Variants in RNF17 observed in about 807,000 individuals in gnomAD.
The protein encoded by RNF17 is ring finger protein 17.
A neutral mutation model predicts 200.5 loss-of-function variants in RNF17; 31 were observed. That is an observed-to-expected ratio of 0.15 (90% CI 0.12 to 0.21). The LOEUF is 0.21. Among genes scored for constraint, RNF17 ranks in the 10% least tolerant of loss-of-function variants. The probability of loss-of-function intolerance (pLI) is 1.00; values close to 1 mark genes in which losing one functional copy is unlikely to be tolerated. For missense variants in RNF17, 1,628 were observed against 1,905.1 expected (o/e 0.85, Z 2.71); for synonymous variants, 606 against 637.8 (o/e 0.95, Z 0.75).
intron 11 of RNF17, 80 bp from the exon 12 acceptor site, chr13:24,799,315 T>C (rs1189287866): frequency 3.7e-6 from 4 of 1,067,302 alleles, no homozygotes; most frequent in Non-Finnish European, 4.2e-6. Flanking sequence ...TTTTTCGTGG[T>C]AGAACTAACG....
chr13:24,879,424 C>T, intron 35 of RNF17, 129 bp downstream of exon 35: 1 of 635,278 alleles, frequency 1.6e-6, no homozygotes, highest in Non-Finnish European at 2.8e-6. Context: ...CACCAGATTT[C>T]TTCATAGGCC....
chr13:24,821,477 A>T (rs779647315), intron 15 of RNF17, among the ~76,000 whole-genome samples: 48 of 152,126 alleles, frequency 3.2e-4, no homozygotes, highest in Non-Finnish European at 5.6e-4. Context: ...TATGACTTTC[A>T]TAATGTCTCT....
At chr13:24,828,718 TTTA>T (rs1169548752) in intron 16 of RNF17, among the ~76,000 whole-genome samples, 2 of 152,142 alleles carry the variant, frequency 1.3e-5, no homozygotes, top group African/African-American at 2.4e-5. Context: ...CACTTTTCAC[TTTA>T]TTTTCTTTTA....
intron 15 of RNF17, among the ~76,000 whole-genome samples, chr13:24,819,354 G>T (rs1217494972): frequency 6.6e-6 from 1 of 152,108 alleles, no homozygotes; most frequent in Non-Finnish European, 1.5e-5. Flanking sequence ...TGTAAGCATT[G>T]ATAGGATTTC....
chr13:24,881,504 GAT>G (rs371444723), downstream of RNF17, among the ~76,000 whole-genome samples: 50 of 151,838 alleles, frequency 3.3e-4, no homozygotes, highest in East Asian at 3.5e-3. Flanking sequence ...CCTCTCCTGA[GAT>G]ATCTCTAGAA....
downstream of RNF17, among the ~76,000 whole-genome samples, chr13:24,883,635 T>G (rs946760381): frequency 6.6e-6 from 1 of 152,222 alleles, no homozygotes; most frequent in African/African-American, 2.4e-5. Flanking sequence ...CTTTTGGTTG[T>G]TATATTAAAA....
rs1885093216 is a variant in RNF17, at chr13:24,800,312, C to G, written c.1590-54C>G. 3.1e-6 allele frequency: 4 copies of G among 1,305,144 alleles called. No homozygotes were observed. The South Asian group carries it at 6.6e-5, about 21-fold the overall frequency. 80.8% of individuals were successfully genotyped at this position (1,305,144 alleles called of 1,614,324 possible). A position where few individuals can be genotyped will look rare whatever the true frequency, so the allele number is the denominator to read the frequency against. On this transcript the variant is annotated intron_variant, in intron 12 of 35. Coordinates refer to ENST00000255324, the MANE Select transcript of RNF17 (RefSeq NM_031277.3). ...AATGCATACCTTCTGTGGGGGAAAA[C>G]AAATTTAAGTTTGAAGCATTATTTT...
At chr13:24,832,353 GT>G (rs1325299556) in intron 18 of RNF17, among the ~76,000 whole-genome samples, 12 of 150,750 alleles carry the variant, frequency 8.0e-5, no homozygotes, top group African/African-American at 2.4e-4. Context: ...TTTCCTTGCT[GT>G]TTTTTGTCTC....
chr13:24,871,028 G>T (rs1458283045), intron 32 of RNF17, among the ~76,000 whole-genome samples: 9 of 152,156 alleles, frequency 5.9e-5, no homozygotes, highest in Non-Finnish European at 1.0e-4. Flanking sequence ...TAAGTTTGAG[G>T]TTATCAGTAG....
chr13:24,796,932 G>A (rs1202297433), intron 11 of RNF17, among the ~76,000 whole-genome samples: 6 of 152,122 alleles, frequency 3.9e-5, no homozygotes, highest in Admixed American at 1.3e-4. Flanking sequence ...AACTAATACA[G>A]AAAGTGTTTA....
intron 5 of RNF17, among the ~76,000 whole-genome samples, chr13:24,780,615 G>C (rs1276268094): frequency 6.6e-6 from 1 of 152,116 alleles, no homozygotes; most frequent in Non-Finnish European, 1.5e-5. Context: ...GGCTCACTTG[G>C]TCATGCCTGT....
At chr13:24,772,175 A>G (rs1880829289) in intron 2 of RNF17, among the ~76,000 whole-genome samples, 1 of 152,194 alleles carries the variant, frequency 6.6e-6, no homozygotes, top group Non-Finnish European at 1.5e-5. Context: ...AAGTTCTCAT[A>G]GAGAGTTGGG....
the RNF17 span, among the ~76,000 whole-genome samples, chr13:24,752,658 G>T: frequency 1.3e-5 from 2 of 152,208 alleles, no homozygotes; most frequent in Non-Finnish European, 2.9e-5. Flanking sequence ...CCGAGGCTGC[G>T]GCTGCCTCAT....
chr13:24,854,659 G>T (rs1334944421), intron 25 of RNF17, among the ~76,000 whole-genome samples: 7 of 151,998 alleles, frequency 4.6e-5, no homozygotes, highest in African/African-American at 1.7e-4. Flanking sequence ...AGGAAATAAA[G>T]GTCCAGGCCC....
Position 24,793,072 on chromosome 13 carries a change from G to A in RNF17, c.966G>A (p.Gln322=), listed in dbSNP as rs140799195. 3 of 1,587,350 alleles carry A rather than the reference G, an allele frequency of 1.9e-6. No homozygotes were observed. Among genetic ancestry groups the A allele is most frequent in the Non-Finnish European group, 2.6e-6 (3 of 1,167,234 alleles). Residue 322 remains glutamine, a synonymous_variant, in exon 10 of 36, where the codon CAG becomes CAA. Transcript: ENST00000255324. ...ATCCCCAAGAAAATGAAATTAGACAGAATGTTCAAAAGAAATATAATAACA... is the reference window on the plus strand; with the variant it reads ...ATCCCCAAGAAAATGAAATTAGACAAAATGTTCAAAAGAAATATAATAACA... ...KCYPQENEIR[Q]NVQKKYNNKK...
At chr13:24,820,679 C>A (rs1183291828) in intron 15 of RNF17, among the ~76,000 whole-genome samples, 1 of 151,970 alleles carries the variant, frequency 6.6e-6, no homozygotes. Flanking sequence ...CAAGTGATCA[C>A]CCCCCTTGGC....
At chr13:24,831,367 G>A (rs1318189459) in intron 17 of RNF17, among the ~76,000 whole-genome samples, 8 of 152,048 alleles carry the variant, frequency 5.3e-5, no homozygotes, top group Admixed American at 1.3e-4. Flanking sequence ...GCTTGAACCC[G>A]GGAGGCGGAG....
intron 12 of RNF17, 56 bp downstream of exon 12, chr13:24,799,640 G>T (rs1019009243): frequency 9.1e-7 from 1 of 1,104,954 alleles, no homozygotes; most frequent in Non-Finnish European, 1.3e-6. Flanking sequence ...TTGGAGGGAG[G>T]TGGAGTTAAA....
chr13:24,850,215 GT>G (rs574837009), intron 22 of RNF17, 125 bp from the exon 23 acceptor site: 6 of 486,042 alleles, frequency 1.2e-5, no homozygotes, highest in South Asian at 4.9e-5. Context: ...TGTTTAAATT[GT>G]TTTTTTTACT....
Sources: gnomAD v4.1 joint callset for allele counts (sites outside exome capture counted in the v4.1 genomes callset) on GRCh38, gnomAD v4.1.1 for gene constraint, MANE v1.5 for transcripts, NCBI Gene and HGNC (gene_info 2026-07-23, HGNC 2026-07-21) for gene names.